The following MCF2L variants were observed in gnomAD, a reference collection of about 807,000 sequenced individuals.
MCF2L encodes the protein MCF.2 cell line derived transforming sequence like, also known as guanine nucleotide exchange factor DBS.
MCF2L carries 97 observed loss-of-function variants against 153.4 expected under a neutral mutation model. The observed-to-expected ratio is 0.63, with a 90% CI of 0.54 to 0.75. The LOEUF is 0.75. Ranked by LOEUF, MCF2L falls within the 30% of genes least tolerant of loss-of-function variation. The pLI, the probability that MCF2L is intolerant of heterozygous loss-of-function variation, is 0.00. For synonymous variants in MCF2L, 659 were observed against 632.2 expected (o/e 1.04, Z -0.64); for missense variants, 1,347 against 1,495.2 (o/e 0.90, Z 1.64).
intron 1 of MCF2L, among the ~76,000 whole-genome samples, chr13:112,997,344 C>G (rs2083182521): frequency 1.3e-5 from 2 of 152,206 alleles, no homozygotes; most frequent in Admixed American, 6.5e-5. Context: ...AGCCGAGGAG[C>G]TGGCAGACAG....
chr13:113,018,751 A>G (rs1014127528), intron 2 of MCF2L, among the ~76,000 whole-genome samples: 4 of 152,254 alleles, frequency 2.6e-5, no homozygotes, highest in Non-Finnish European at 5.9e-5. Flanking sequence ...CAGACTTGCC[A>G]CCGGTGAAAA....
rs368669893 is a variant in MCF2L at position 113,070,088 on chromosome 13, C to T, written c.911C>T (p.Ala304Val). The stretch of plus-strand genomic sequence containing the variant: ...CTGGCCCAGCTGAACGAAACCGAGG[C>T]TGCCTTCGATGAGTTCTGGGCAAAG... ...RLLAQLNETE[A>V]AFDEFWAKHQ... Residue 304 changes from alanine to valine, a missense_variant, in exon 9 of 30, where the codon GCT (alanine) becomes GTT (valine). Around this residue, in one of 3 missense-constraint regions of MCF2L, gnomAD observed 820 missense variants for 921.2 expected, o/e 0.89. Transcript: ENST00000535094. The surrounding 1 kb of genome is among the most constrained non-coding windows in gnomAD (Gnocchi z 5.6). The T allele has an allele frequency of 6.2e-6, 10 of 1,609,964 alleles. No individual in the cohort carries two copies. The highest frequency in any genetic ancestry group is 8.5e-6 in the Non-Finnish European group (10 of 1,178,674).
intron 1 of MCF2L, chr13:112,979,655 A>G: frequency 6.2e-7 from 1 of 1,612,820 alleles, no homozygotes; most frequent in Non-Finnish European, 8.5e-7. Context: ...AGCCTTTGTG[A>G]CAGGGCGGTT....
At position 112,969,411 on chromosome 13, in the gene MCF2L, C is replaced by T; in HGVS notation, c.32C>T (p.Ala11Val). 6.4e-7 allele frequency: 1 copy of T among 1,550,394 alleles called. No homozygotes were observed. The highest frequency in any genetic ancestry group is 8.7e-7 in the Non-Finnish European group (1 of 1,146,854). MRFWLRTEEM[A>V]LEEMVQRLNA... Reference sequence around the variant, plus strand: ...TTTTGGCTGAGGACTGAAGAGATGGCCTTGGAAGAAATGGTGCAGAGATTA... The same window carrying T: ...TTTTGGCTGAGGACTGAAGAGATGGTCTTGGAAGAAATGGTGCAGAGATTA... Residue 11 changes from alanine (A) to valine (V), a missense_variant, in exon 1 of 30, where the codon GCC (alanine) becomes GTC (valine). Around this residue, in one of 3 missense-constraint regions of MCF2L, gnomAD observed 820 missense variants for 921.2 expected, o/e 0.89. Coordinates refer to ENST00000535094, the MANE Select transcript of MCF2L (RefSeq NM_001112732.3). The surrounding 1 kb of genome is among the most constrained non-coding windows in gnomAD (Gnocchi z 4.8).
chr13:113,066,292 C>T (rs1044643414), intron 8 of MCF2L, 122 bp downstream of exon 8: 8 of 1,215,992 alleles, frequency 6.6e-6, no homozygotes, highest in Non-Finnish European at 8.8e-6. Flanking sequence ...CAGGCAACCC[C>T]ACTCCTGGCC....
chr13:112,973,443 G>C (rs191085484), intron 1 of MCF2L, among the ~76,000 whole-genome samples: 52 of 152,316 alleles, frequency 3.4e-4, no homozygotes, highest in African/African-American at 1.3e-3. Flanking sequence ...CTTGTTAGTA[G>C]GGATTCCGGA....
At chr13:113,025,847 C>A (rs2085243249) in intron 3 of MCF2L, among the ~76,000 whole-genome samples, 1 of 145,524 alleles carries the variant, frequency 6.9e-6, no homozygotes, top group African/African-American at 2.5e-5. Context: ...GAGGTTTCAT[C>A]ATGGTGGGGT....
At chr13:112,968,419 C>G, upstream of MCF2L, 1 of 1,569,144 alleles carries the variant, frequency 6.4e-7, no homozygotes, top group Non-Finnish European at 8.6e-7. Context: ...AGGTGGCAGC[C>G]AGGACGCTGC....
intron 1 of MCF2L, among the ~76,000 whole-genome samples, chr13:112,989,084 GAGCAGGGGATGGAGCTACCACA>G (rs1594510777): frequency 1.8e-5 from 2 of 109,370 alleles, no homozygotes; most frequent in East Asian, 5.4e-4. Flanking sequence ...AGTCCTCCCT[GAGCAGGGGATGGAGCTACCACA>G]CCGGAGTCCT....
chr13:112,982,604 C>T (rs992052998), intron 1 of MCF2L, among the ~76,000 whole-genome samples: 11 of 152,002 alleles, frequency 7.2e-5, no homozygotes, highest in African/African-American at 1.9e-4. Context: ...TGGTGGGAGG[C>T]GGGCGTCACA....
In MCF2L at chr13:113,024,521, C is replaced by T. The variant is rs562734662; in HGVS notation, c.164-123C>T. 6.2e-4 allele frequency: 388 copies of T among 625,934 alleles called. 6 individuals are homozygous for T. The South Asian group carries it at 7.7e-3, about 12-fold the overall frequency. 38.8% of individuals were successfully genotyped at this position (625,934 alleles called of 1,614,324 possible). A position where few individuals can be genotyped will look rare whatever the true frequency, so the allele number is the denominator to read the frequency against. Reference sequence around the variant, plus strand: ...TTTCTTTCAAATAAAAATTATGCAACGATGAAGAACATGCCTCAGTTTTAA... The same window carrying T: ...TTTCTTTCAAATAAAAATTATGCAATGATGAAGAACATGCCTCAGTTTTAA... On this transcript the variant is annotated intron_variant, in intron 2 of 29. Transcript: ENST00000535094.
rs1408895633 is a variant in MCF2L, at chr13:113,001,776, C to A, written c.80-12987C>A. ...GCTGGCTGCCCTGCAGAGGCCAGGT[C>A]TGCCCAGCAAACCCAGGAAGGTGTG... On this transcript the variant is annotated intron_variant, in intron 1 of 29. Transcript: ENST00000535094. 5 of 1,404,452 alleles carry A rather than the reference C, an allele frequency of 3.6e-6. No homozygotes were observed. The East Asian group carries it at 1.4e-4, about 40-fold the overall frequency. 87.0% of individuals were successfully genotyped at this position (1,404,452 alleles called of 1,614,324 possible). A position where few individuals can be genotyped will look rare whatever the true frequency, so the allele number is the denominator to read the frequency against.
At chr13:112,929,746 C>G (rs1039721260) in intron 2 of MCF2L, among the ~76,000 whole-genome samples, 5 of 152,216 alleles carry the variant, frequency 3.3e-5, no homozygotes, top group Admixed American at 2.6e-4. Context: ...GATGATGACG[C>G]CTGCATCACG....
chr13:112,956,575 C>G (rs1446561947), intron 2 of MCF2L: 1 of 152,294 alleles, frequency 6.6e-6, no homozygotes. Flanking sequence ...GCAGAGTTTT[C>G]AGAGGATGCT....
chr13:113,088,480 G>A (rs904415600), intron 24 of MCF2L, 75 bp downstream of exon 24: 14 of 1,604,162 alleles, frequency 8.7e-6, no homozygotes, highest in African/African-American at 5.4e-5. Flanking sequence ...CAGAGCAACC[G>A]CACAGTCCCC....
At chr13:113,078,490 C>T in intron 14 of MCF2L, 54 bp downstream of exon 14, 2 of 1,524,810 alleles carry the variant, frequency 1.3e-6, no homozygotes, top group Non-Finnish European at 1.8e-6. Flanking sequence ...TTGGTTCACG[C>T]TGGGCCTGGT....
At chr13:112,935,966 T>C (rs1017198983) in intron 2 of MCF2L, among the ~76,000 whole-genome samples, 4 of 152,134 alleles carry the variant, frequency 2.6e-5, no homozygotes, top group Non-Finnish European at 4.4e-5. Flanking sequence ...GAACCGATCC[T>C]TCCCTCGCAG....
intron 1 of MCF2L, chr13:113,001,764 C>T: frequency 7.3e-7 from 1 of 1,373,682 alleles, no homozygotes; most frequent in Non-Finnish European, 9.4e-7. Context: ...GGCTGCCCTG[C>T]AGAGGCCAGG....
At chr13:113,086,305 A>G in intron 21 of MCF2L, 56 bp downstream of exon 21, 1 of 1,591,640 alleles carries the variant, frequency 6.3e-7, no homozygotes, top group Non-Finnish European at 8.5e-7. Flanking sequence ...ACACCAGCCC[A>G]GCAACTTGGC....
Sources: allele counts gnomAD v4.1 joint callset (sites outside exome capture counted in the v4.1 genomes callset), GRCh38; gene constraint gnomAD v4.1.1; regional missense constraint gnomAD v4.1.1; non-coding constraint Gnocchi (gnomAD v3.1); transcripts MANE v1.5; gene names NCBI Gene and HGNC (gene_info 2026-07-23, HGNC 2026-07-21).